Variants in LUZP2 observed in about 807,000 individuals in gnomAD.
LUZP2 encodes the protein leucine zipper protein 2.
LUZP2 carries 52 observed loss-of-function variants against 51.6 expected under a neutral mutation model. That is an observed-to-expected ratio of 1.01 (90% CI 0.81 to 1.27). The LOEUF (loss-of-function observed/expected upper bound fraction) is 1.27. Among genes scored for constraint, LUZP2 ranks in the 50% most tolerant of loss-of-function variants. The pLI is 0.00. For missense variants in LUZP2, 436 were observed against 395.4 expected, an observed-to-expected ratio of 1.10 and a Z score of -0.87; for synonymous variants, 154 against 137.3, an observed-to-expected ratio of 1.12 and a Z score of -0.85.
At chr11:24,851,051 T>C (rs7951946) in intron 5 of LUZP2, among the ~76,000 whole-genome samples, 26,482 of 152,194 alleles carry the variant, frequency 0.17, 2,452 homozygotes, top group African/African-American at 0.22. Context: ...AATCATGTCA[T>C]CTGTAAACAG....
rs141662581 is a variant in LUZP2 at position 24,841,272 on chromosome 11, G to C, written c.397-64719G>C. 3.0e-3 allele frequency among the ~76,000 whole-genome samples: 462 copies of C among 152,206 alleles called. 2 individuals carry two copies. Among genetic ancestry groups the C allele is most frequent in the African/African-American group, 0.011 (448 of 41,578 alleles). Reference sequence around the variant, plus strand: ...TTGCTTTCTCTGCCATGTTAGGATAGAGCTAGAAGGTGGCTGCCTACAAGC... The same window carrying C: ...TTGCTTTCTCTGCCATGTTAGGATACAGCTAGAAGGTGGCTGCCTACAAGC... On this transcript the variant is annotated intron_variant, in intron 5 of 11. Transcript: ENST00000336930.
chr11:24,695,381 T>A (rs1857214523), intron 1 of LUZP2, among the ~76,000 whole-genome samples: 1 of 152,070 alleles, frequency 6.6e-6, no homozygotes, highest in South Asian at 2.1e-4. Flanking sequence ...AGTGTGATGT[T>A]TTGATACATG....
intron 9 of LUZP2, among the ~76,000 whole-genome samples, chr11:24,983,513 T>C (rs1856100194): frequency 6.6e-6 from 1 of 151,794 alleles, no homozygotes; most frequent in Non-Finnish European, 1.5e-5. Context: ...TAGCTGATTC[T>C]TAGGCAGAAT....
intron 9 of LUZP2, among the ~76,000 whole-genome samples, chr11:25,046,186 T>C (rs919008044): frequency 5.5e-5 from 8 of 145,744 alleles, no homozygotes; most frequent in African/African-American, 1.8e-4. Flanking sequence ...CACAAAACAA[T>C]GCTTGGGATA....
intron 5 of LUZP2, among the ~76,000 whole-genome samples, chr11:24,837,425 C>T (rs1048854315): frequency 1.3e-5 from 2 of 151,514 alleles, no homozygotes; most frequent in Admixed American, 6.6e-5. Flanking sequence ...CAAGAAGCTG[C>T]AGAATGCTGC....
intron 1 of LUZP2, among the ~76,000 whole-genome samples, chr11:24,622,578 T>A (rs1261190516): frequency 6.6e-6 from 1 of 152,114 alleles, no homozygotes; most frequent in Non-Finnish European, 1.5e-5. Flanking sequence ...ACAATGATAA[T>A]CTCAGGGTTT....
At chr11:24,958,513 G>A (rs899821685) in intron 7 of LUZP2, among the ~76,000 whole-genome samples, 5 of 152,098 alleles carry the variant, frequency 3.3e-5, no homozygotes, top group Non-Finnish European at 5.9e-5. Flanking sequence ...GTGATGATGA[G>A]CATTTTTTCA....
chr11:24,902,041 T>A (rs1002095256), intron 5 of LUZP2, among the ~76,000 whole-genome samples: 4 of 152,180 alleles, frequency 2.6e-5, no homozygotes, highest in Non-Finnish European at 5.9e-5. Flanking sequence ...ATTTGTCAAA[T>A]TCTAGTAATG....
At chr11:25,032,109 G>A (rs1446201) in intron 9 of LUZP2, among the ~76,000 whole-genome samples, 87,825 of 151,962 alleles carry the variant, frequency 0.58, 26,441 homozygotes, top group African/African-American at 0.75. Context: ...GCCAAAGGAT[G>A]TGACTAGGCT....
intron 1 of LUZP2, among the ~76,000 whole-genome samples, chr11:24,561,355 ATATTT>A (rs1327161018): frequency 6.6e-6 from 1 of 152,140 alleles, no homozygotes. Context: ...CTTATGAGAA[ATATTT>A]TATTAATTAT....
chr11:24,662,258 C>T (rs1434943076), intron 1 of LUZP2, among the ~76,000 whole-genome samples: 2 of 151,802 alleles, frequency 1.3e-5, no homozygotes, highest in Non-Finnish European at 2.9e-5. Flanking sequence ...ACATCACATT[C>T]ATAAAACAAA....
chr11:24,588,293 C>T lies in LUZP2; in HGVS notation c.62+90988C>T, dbSNP rs1853142069. ...CAGGAATTAAAGAAGTAAATGAGAG[C>T]CTCCTGCTTGTCAGTGAATTATAAA... On this transcript the variant is annotated intron_variant, in intron 1 of 11. Coordinates refer to ENST00000336930, the MANE Select transcript of LUZP2 (RefSeq NM_001009909.4). Among the ~76,000 whole-genome samples, 3 of 152,104 alleles carry T rather than the reference C, an allele frequency of 2.0e-5. No individual in the cohort carries two copies. The South Asian group carries it at 6.2e-4, about 32-fold the overall frequency.
In LUZP2 at chr11:24,619,420, C is replaced by A. The variant is rs532264115; in HGVS notation, c.63-109749C>A. On this transcript the variant is annotated intron_variant, in intron 1 of 11. Transcript: ENST00000336930. ...CTCCCAAATCCTTTAGAAAGGAGAC[C>A]AGAATTTTCTTATCCTTAAAATACC... is the stretch of plus-strand genomic sequence containing the variant. Among the ~76,000 whole-genome samples, 9 of 152,164 alleles carry A rather than the reference C, an allele frequency of 5.9e-5. No homozygotes were observed. In the East Asian group the frequency reaches 1.5e-3, roughly 26 times the overall value.
At chr11:24,923,309 G>C (rs1017847345) in intron 7 of LUZP2, among the ~76,000 whole-genome samples, 1 of 151,748 alleles carries the variant, frequency 6.6e-6, no homozygotes, top group African/African-American at 2.4e-5. Context: ...CAAAATCTTC[G>C]GTCCCCAAAC....
chr11:24,507,146 A>G (rs534150909), intron 1 of LUZP2, among the ~76,000 whole-genome samples: 1 of 152,232 alleles, frequency 6.6e-6, no homozygotes, highest in South Asian at 2.1e-4. Context: ...TTCTAATTGA[A>G]TGATAATTAC....
chr11:24,882,553 G>A (rs890528125), intron 5 of LUZP2, among the ~76,000 whole-genome samples: 2 of 151,988 alleles, frequency 1.3e-5, no homozygotes, highest in African/African-American at 4.8e-5. Context: ...ATCCATCATT[G>A]TAGTATTATA....
At chr11:24,653,835 C>A (rs976275046) in intron 1 of LUZP2, among the ~76,000 whole-genome samples, 1 of 152,070 alleles carries the variant, frequency 6.6e-6, no homozygotes, top group Non-Finnish European at 1.5e-5. Context: ...CCATGTGTTA[C>A]GGTAAGATAT....
chr11:25,011,564 G>A (rs905441265), intron 9 of LUZP2, among the ~76,000 whole-genome samples: 5 of 152,096 alleles, frequency 3.3e-5, no homozygotes, highest in Non-Finnish European at 5.9e-5. Flanking sequence ...TATAGGGTAT[G>A]TAAAATATTC....
At chr11:24,957,965 T>C (rs1047490149) in intron 7 of LUZP2, among the ~76,000 whole-genome samples, 3 of 152,154 alleles carry the variant, frequency 2.0e-5, no homozygotes, top group East Asian at 1.9e-4. Context: ...TGTGTTCTCA[T>C]TGTTCAGTTC....
Sources: gnomAD v4.1 joint callset for allele counts (sites outside exome capture counted in the v4.1 genomes callset) on GRCh38, gnomAD v4.1.1 for gene constraint, MANE v1.5 for transcripts, NCBI Gene and HGNC (gene_info 2026-07-23, HGNC 2026-07-21) for gene names.